The following DDX10 variants were observed in gnomAD, a reference collection of about 807,000 sequenced individuals.
DDX10 encodes the protein DEAD-box helicase 10.
In DDX10, 74 loss-of-function variants were observed where a neutral mutation model predicts 104.3. That is an observed-to-expected ratio of 0.71 (90% CI 0.59 to 0.86). The LOEUF is 0.86. DDX10 is among the 40% of genes least tolerant of loss of function. The pLI is 0.00. For synonymous variants in DDX10, 351 were observed against 353.4 expected, an observed-to-expected ratio of 0.99 and a Z score of 0.08; for missense variants, 952 against 1,040.0, an observed-to-expected ratio of 0.92 and a Z score of 1.16.
intron 16 of DDX10, among the ~76,000 whole-genome samples, chr11:108,889,414 A>G (rs1190557072): frequency 6.6e-6 from 1 of 152,128 alleles, no homozygotes; most frequent in African/African-American, 2.4e-5. Context: ...TTTTTTGTTG[A>G]TATTTAAGGT....
chr11:108,937,644 GT>G (rs1157610035), intron 17 of DDX10, among the ~76,000 whole-genome samples: 3 of 152,128 alleles, frequency 2.0e-5, no homozygotes, highest in African/African-American at 7.2e-5. Context: ...GTCATCATCT[GT>G]TCCGATTACA....
chr11:108,808,717 C>G (rs1274210778), intron 13 of DDX10, among the ~76,000 whole-genome samples: 1 of 152,044 alleles, frequency 6.6e-6, no homozygotes, highest in Non-Finnish European at 1.5e-5. Flanking sequence ...ATCCTGTCAG[C>G]CATGCTCATG....
At chr11:108,851,296 TGTTA>T (rs1862789679) in intron 15 of DDX10, among the ~76,000 whole-genome samples, 1 of 151,972 alleles carries the variant, frequency 6.6e-6, no homozygotes, top group African/African-American at 2.4e-5. Flanking sequence ...TCAAATGAAG[TGTTA>T]GTTATGATCA....
intron 9 of DDX10, among the ~76,000 whole-genome samples, chr11:108,705,208 T>C (rs998323102): frequency 3.3e-5 from 5 of 152,206 alleles, no homozygotes; most frequent in Non-Finnish European, 7.3e-5. Context: ...TAATACATTT[T>C]CCTTGTATTT....
intron 16 of DDX10, among the ~76,000 whole-genome samples, chr11:108,867,963 T>C (rs1863028815): frequency 6.6e-6 from 1 of 152,070 alleles, no homozygotes; most frequent in African/African-American, 2.4e-5. Flanking sequence ...CCTCCATATA[T>C]GGTCTGACTT....
intron 16 of DDX10, among the ~76,000 whole-genome samples, chr11:108,877,182 A>G (rs987318213): frequency 1.3e-5 from 2 of 152,240 alleles, no homozygotes; most frequent in African/African-American, 4.8e-5. Flanking sequence ...TTTATAGACT[A>G]TATTTAACTT....
chr11:108,863,220 T>C (rs1862963274), intron 16 of DDX10, among the ~76,000 whole-genome samples: 2 of 152,338 alleles, frequency 1.3e-5, no homozygotes, highest in South Asian at 4.1e-4. Flanking sequence ...AAGGGGGAAG[T>C]AGGCACTTTT....
chr11:108,787,624 C>A (rs1347214141), intron 13 of DDX10, among the ~76,000 whole-genome samples: 1 of 151,906 alleles, frequency 6.6e-6, no homozygotes, highest in Non-Finnish European at 1.5e-5. Context: ...ATGCTCTATT[C>A]TGCTGTTAAT....
chr11:108,730,451 T>A (rs1453681338), intron 13 of DDX10, among the ~76,000 whole-genome samples: 1 of 152,200 alleles, frequency 6.6e-6, no homozygotes, highest in Non-Finnish European at 1.5e-5. Context: ...CTGATCAGTG[T>A]GTTTTCAGGG....
At chr11:108,711,608 C>T (rs2094284462) in intron 10 of DDX10, among the ~76,000 whole-genome samples, 1 of 152,214 alleles carries the variant, frequency 6.6e-6, no homozygotes, top group Non-Finnish European at 1.5e-5. Flanking sequence ...ACTGAGATTA[C>T]AGGTGTGAGC....
At chr11:108,730,888 T>C (rs1174554784) in intron 13 of DDX10, among the ~76,000 whole-genome samples, 1 of 151,950 alleles carries the variant, frequency 6.6e-6, no homozygotes, top group East Asian at 1.9e-4. Flanking sequence ...AAGTATTATG[T>C]CATGTCTGTT....
At chr11:108,875,078 G>C (rs1219786537) in intron 16 of DDX10, among the ~76,000 whole-genome samples, 1 of 152,090 alleles carries the variant, frequency 6.6e-6, no homozygotes, top group East Asian at 1.9e-4. Context: ...TGGGATTATG[G>C]AGCCAGGAAG....
chr11:108,817,557 A>C (rs953027936), intron 13 of DDX10, among the ~76,000 whole-genome samples: 2 of 152,160 alleles, frequency 1.3e-5, no homozygotes, highest in African/African-American at 4.8e-5. Flanking sequence ...AAACTCCTTG[A>C]CATACGTGCA....
At chr11:108,908,273 T>G (rs1388860440) in intron 16 of DDX10, among the ~76,000 whole-genome samples, 1 of 152,216 alleles carries the variant, frequency 6.6e-6, no homozygotes, top group Non-Finnish European at 1.5e-5. Flanking sequence ...GGAAAGTTGT[T>G]TTGAAGTTTA....
Position 108,875,565 on chromosome 11 carries a change from T to A in DDX10, c.2304+23356T>A, listed in dbSNP as rs113397332. Among the ~76,000 whole-genome samples the A allele has an allele frequency of 6.0e-3, 921 of 152,248 alleles. 3 individuals are homozygous for A. The highest frequency in any genetic ancestry group is 0.021 in the African/African-American group (854 of 41,538). On this transcript the variant is annotated intron_variant, in intron 16 of 17. Coordinates refer to ENST00000322536, the MANE Select transcript of DDX10 (RefSeq NM_004398.4). Reference sequence around the variant, plus strand: ...CTTTTGTGGCTGCTGATGTGTTAAGTGCAAAGATGAAGAGTAGTGCCTGTA... The same window carrying A: ...CTTTTGTGGCTGCTGATGTGTTAAGAGCAAAGATGAAGAGTAGTGCCTGTA...
chr11:108,747,531 T>G (rs771578896), intron 13 of DDX10, among the ~76,000 whole-genome samples: 11 of 152,176 alleles, frequency 7.2e-5, no homozygotes, highest in Non-Finnish European at 1.5e-4. Flanking sequence ...GTTAATGCCT[T>G]AGTATTTTCA....
intron 15 of DDX10, among the ~76,000 whole-genome samples, chr11:108,844,963 G>A (rs183177393): frequency 7.2e-5 from 11 of 152,270 alleles, no homozygotes; most frequent in Admixed American, 4.6e-4. Context: ...TTGGGAGGCC[G>A]AGGTGGGCAG....
intron 16 of DDX10, among the ~76,000 whole-genome samples, chr11:108,855,687 C>T (rs900819189): frequency 2.0e-5 from 3 of 152,046 alleles, no homozygotes; most frequent in South Asian, 4.1e-4. Context: ...TCTTGATCTC[C>T]TGACCCCGTG....
At chr11:108,912,225 A>G (rs1339943588) in intron 16 of DDX10, among the ~76,000 whole-genome samples, 1 of 152,072 alleles carries the variant, frequency 6.6e-6, no homozygotes, top group Non-Finnish European at 1.5e-5. Context: ...CTAGTTCTCT[A>G]GTTCTTCTTT....
Sources: gnomAD v4.1 joint callset for allele counts (sites outside exome capture counted in the v4.1 genomes callset) on GRCh38, gnomAD v4.1.1 for gene constraint, MANE v1.5 for transcripts, NCBI Gene and HGNC (gene_info 2026-07-23, HGNC 2026-07-21) for gene names.